ALDH1L1: variants seen among roughly 807,000 people sequenced by gnomAD.
The protein encoded by ALDH1L1 is aldehyde dehydrogenase 1 family member L1, also known as cytosolic 10-formyltetrahydrofolate dehydrogenase.
In ALDH1L1, 68 loss-of-function variants were observed where a neutral mutation model predicts 101.1. The observed-to-expected ratio is 0.67, with a 90% confidence interval of 0.55 to 0.82. The LOEUF (loss-of-function observed/expected upper bound fraction) is 0.82, where lower values mean the gene tolerates loss of function less well. Ranked by LOEUF, ALDH1L1 falls within the 40% of genes least tolerant of loss-of-function variation. The pLI is 0.00. For missense variants in ALDH1L1, 1,087 were observed against 1,172.7 expected, an observed-to-expected ratio of 0.93 and a Z score of 1.07; for synonymous variants, 486 against 470.8, an observed-to-expected ratio of 1.03 and a Z score of -0.42.
At chr3:126,124,525 T>C in intron 15 of ALDH1L1, 74 bp from the exon 16 acceptor site, 1 of 1,236,856 alleles carries the variant, frequency 8.1e-7, no homozygotes, top group South Asian at 1.3e-5. Context: ...CCTCCCCGCC[T>C]TCCTCTCCCA....
At chr3:126,179,563 G>A (rs1005673477) in intron 1 of ALDH1L1, among the ~76,000 whole-genome samples, 6 of 152,186 alleles carry the variant, frequency 3.9e-5, no homozygotes, top group Non-Finnish European at 8.8e-5. Context: ...CAGGCGCGGG[G>A]CAGTCTCATG....
intron 2 of ALDH1L1, chr3:126,160,517 C>T (rs1410777785): frequency 1.2e-5 from 3 of 251,084 alleles, no homozygotes; most frequent in Non-Finnish European, 1.5e-5. Context: ...AATATGGACC[C>T]CCAGTTCAGA....
At chr3:126,133,567 A>G (rs759822854) in intron 12 of ALDH1L1, among the ~76,000 whole-genome samples, 10 of 152,216 alleles carry the variant, frequency 6.6e-5, no homozygotes, top group Non-Finnish European at 1.2e-4. Context: ...TAAAGTATCC[A>G]TCACCCGAGT....
At chr3:126,180,767 G>A, upstream of ALDH1L1, 1 of 1,455,356 alleles carries the variant, frequency 6.9e-7, no homozygotes, top group East Asian at 2.5e-5. Flanking sequence ...GCAGGGGCCT[G>A]CGCTCTTTCC....
In ALDH1L1 at chr3:126,125,722, C is replaced by G; in HGVS notation, c.1695-1G>C. Reference sequence around the variant, plus strand: ...CCAGGGGATGATGATGCCACAAACCCTGCCACACAAAAGAGGTTGGCCTTT... The same window carrying G: ...CCAGGGGATGATGATGCCACAAACCGTGCCACACAAAAGAGGTTGGCCTTT... On this transcript the variant is annotated splice_acceptor_variant, in intron 14 of 22. Transcript: ENST00000393434. LOFTEE classifies it high-confidence loss of function. 6.4e-7 allele frequency: 1 copy of G among 1,550,850 alleles called. No individual in the cohort carries two copies. Among genetic ancestry groups the G allele is most frequent in the Non-Finnish European group, 8.7e-7 (1 of 1,144,828 alleles).
chr3:126,153,705 C>G (rs41266447), intron 6 of ALDH1L1, 124 bp from the exon 7 acceptor site: 80 of 1,260,142 alleles, frequency 6.3e-5, no homozygotes, highest in Middle Eastern at 5.4e-4. Flanking sequence ...ACCTGGGAGC[C>G]GGCTCAAAGC....
intron 12 of ALDH1L1, among the ~76,000 whole-genome samples, chr3:126,134,239 T>C (rs919843558): frequency 3.9e-5 from 6 of 152,120 alleles, no homozygotes; most frequent in Non-Finnish European, 8.8e-5. Context: ...AGAGTTTGCA[T>C]AGGACAGGAA....
At position 126,190,423 on chromosome 3, in the gene ALDH1L1, C is replaced by A. The variant is rs541686186; in HGVS notation, c.-24+7312G>T. Among the ~76,000 whole-genome samples, 10 of 152,324 alleles carry A rather than the reference C, an allele frequency of 6.6e-5. No homozygotes were observed. In the South Asian group the frequency reaches 1.7e-3, roughly 25 times the overall value. ...CTATGGAGTGCAGAGCCCTTAACAA[C>A]GGAAGCTTCAAGGACTCAGAGAGGA... On this transcript the variant is annotated intron_variant, in intron 1 of 2. Transcript: ENST00000509952.
intron 16 of ALDH1L1, 141 bp from the exon 17 acceptor site, chr3:126,118,239 G>A: frequency 1.5e-6 from 1 of 684,532 alleles, no homozygotes; most frequent in Non-Finnish European, 2.6e-6. Context: ...CATGGTGCCT[G>A]GGGCTCATGG....
chr3:126,160,077 G>T, intron 2 of ALDH1L1, among the ~76,000 whole-genome samples: 1 of 152,170 alleles, frequency 6.6e-6, no homozygotes, highest in Non-Finnish European at 1.5e-5. Flanking sequence ...CCTGTCTGCT[G>T]AGGTTCCCAG....
chr3:126,188,705 T>C (rs2081535300), intron 1 of ALDH1L1, among the ~76,000 whole-genome samples: 1 of 152,200 alleles, frequency 6.6e-6, no homozygotes, highest in African/African-American at 2.4e-5. Context: ...ATTTTTGTCA[T>C]TCCAATAAAT....
chr3:126,153,238 A>G, intron 7 of ALDH1L1: 2 of 733,892 alleles, frequency 2.7e-6, no homozygotes, highest in Non-Finnish European at 4.6e-6. Context: ...GCTTTCCCAG[A>G]ACAGAGAAGT....
chr3:126,117,064 C>G (rs2079984400), intron 17 of ALDH1L1, among the ~76,000 whole-genome samples: 1 of 151,616 alleles, frequency 6.6e-6, no homozygotes, highest in Non-Finnish European at 1.5e-5. Flanking sequence ...GGCAACATAG[C>G]AAAACCCCAT....
intron 16 of ALDH1L1, among the ~76,000 whole-genome samples, chr3:126,119,245 C>G (rs77460888): frequency 0.034 from 5,127 of 152,276 alleles, 253 homozygotes; most frequent in African/African-American, 0.1. Context: ...CCTCTCCAGC[C>G]AAACTCCTCT....
At chr3:126,112,381 T>C (rs1012959496) in intron 19 of ALDH1L1, among the ~76,000 whole-genome samples, 6 of 152,276 alleles carry the variant, frequency 3.9e-5, no homozygotes, top group Admixed American at 3.9e-4. Context: ...CCCCTGTCCA[T>C]GGTCAGGCCC....
chr3:126,132,747 C>T (rs2080340192), intron 12 of ALDH1L1, among the ~76,000 whole-genome samples: 1 of 152,164 alleles, frequency 6.6e-6, no homozygotes, highest in African/African-American at 2.4e-5. Context: ...TCTTCACTCC[C>T]CCACCACTAC....
intron 5 of ALDH1L1, 94 bp from the exon 6 acceptor site, chr3:126,154,737 C>T: frequency 3.5e-6 from 4 of 1,154,576 alleles, no homozygotes; most frequent in Non-Finnish European, 5.1e-6. Flanking sequence ...TCTTGTGAGA[C>T]AGCTGGTAAC....
Position 126,105,795 on chromosome 3 carries a change from T to C in ALDH1L1, c.2584A>G (p.Thr862Ala). Reference sequence around the variant, plus strand: ...GCGGCCACGTCGGTCTTGTTGTACGTGTTGACAAACACAGTGCCTGCCTGG... The same window carrying C: ...GCGGCCACGTCGGTCTTGTTGTACGCGTTGACAAACACAGTGCCTGCCTGG... ...KLQAGTVFVN[T>A]YNKTDVAAPF... Residue 862 changes from threonine (T) to alanine (A), a missense_variant, in exon 22 of 23, where the codon ACG becomes GCG. Thr to Ala is a moderately conservative substitution (Grantham distance 58). Coordinates refer to ENST00000393434, the MANE Select transcript of ALDH1L1 (RefSeq NM_012190.4). The C allele has an allele frequency of 6.2e-7, 1 of 1,614,220 alleles. No homozygotes were observed. The highest frequency in any genetic ancestry group is 1.3e-5 in the African/African-American group (1 of 75,048).
At chr3:126,120,692 T>C (rs1283608146) in intron 16 of ALDH1L1, among the ~76,000 whole-genome samples, 1 of 152,120 alleles carries the variant, frequency 6.6e-6, no homozygotes, top group African/African-American at 2.4e-5. Flanking sequence ...TGTGTCTGTG[T>C]GGGGGCAGGT....
Sources: gnomAD v4.1 joint callset for allele counts (sites outside exome capture counted in the v4.1 genomes callset) on GRCh38, gnomAD v4.1.1 for gene constraint, MANE v1.5 for transcripts, NCBI Gene and HGNC (gene_info 2026-07-23, HGNC 2026-07-21) for gene names.